Variants in PCBP3 observed in about 807,000 individuals in gnomAD.
PCBP3 encodes poly(rC)-binding protein 3.
Under a neutral mutation model 52.7 loss-of-function variants are expected in PCBP3, and 25 were observed. The observed-to-expected ratio is 0.47, with a 90% CI of 0.35 to 0.66. The LOEUF is 0.66. PCBP3 is among the 30% of genes least tolerant of loss of function. The probability of loss-of-function intolerance (pLI) is 0.01; values close to 1 mark genes in which losing one functional copy is unlikely to be tolerated. For missense variants in PCBP3, 391 were observed against 490.3 expected (o/e 0.80, Z 1.91); for synonymous variants, 162 against 183.0 (o/e 0.89, Z 0.93).
rs2091322068 is a variant in PCBP3 at position 45,788,638 on chromosome 21, C to T, written c.-126+33186C>T. On this transcript the variant is annotated intron_variant, in intron 4 of 17. Transcript: ENST00000681687. This position sits in a 1 kb window ranked among gnomAD's most constrained non-coding sequence, Gnocchi z 4.3. ...CTTAACCCTGAACTGCACCCGACTC[C>T]CATTGACCTCACTCACTGTGGGCCG... 1 of 152,244 alleles carries T rather than the reference C, an allele frequency of 6.6e-6. No homozygotes were observed. Among genetic ancestry groups the T allele is most frequent in the African/African-American group, 2.4e-5 (1 of 41,434 alleles). The allele number at this position is 152,244 out of a possible 1,614,324, so 9.4% of individuals were successfully genotyped here.
At chr21:45,705,535 T>C (rs1327184768) in intron 2 of PCBP3, among the ~76,000 whole-genome samples, 1 of 152,230 alleles carries the variant, frequency 6.6e-6, no homozygotes, top group Non-Finnish European at 1.5e-5. Flanking sequence ...CGTGCACTTC[T>C]ACCTGGCTTG....
At chr21:45,769,402 C>T (rs1274451969) in intron 4 of PCBP3, among the ~76,000 whole-genome samples, 1 of 152,230 alleles carries the variant, frequency 6.6e-6, no homozygotes, top group South Asian at 2.1e-4. Context: ...CGGGTGCTCA[C>T]GCAGGGCTGT....
chr21:45,652,588 C>T (rs527304717), intron 1 of PCBP3, among the ~76,000 whole-genome samples: 13 of 152,094 alleles, frequency 8.5e-5, no homozygotes, highest in African/African-American at 2.2e-4. Context: ...ATTACAGGCA[C>T]GTTCCACCAC....
intron 5 of PCBP3, among the ~76,000 whole-genome samples, chr21:45,867,189 A>G (rs1194702332): frequency 6.6e-6 from 1 of 152,184 alleles, no homozygotes; most frequent in African/African-American, 2.4e-5. Flanking sequence ...CAGGCGTGGA[A>G]GGGAAGGCGG....
intron 4 of PCBP3, among the ~76,000 whole-genome samples, chr21:45,824,150 T>G (rs1276309301): frequency 6.6e-6 from 1 of 152,248 alleles, no homozygotes; most frequent in Non-Finnish European, 1.5e-5. Context: ...TGTCATTGTC[T>G]TGGGCAGGGG....
intron 5 of PCBP3, among the ~76,000 whole-genome samples, chr21:45,868,059 G>T (rs530836307): frequency 6.6e-6 from 1 of 152,416 alleles, no homozygotes; most frequent in African/African-American, 2.4e-5. Context: ...CAGTGGGCCC[G>T]TCCGGAATTA....
In PCBP3 at chr21:45,775,123, G is replaced by A. The variant is rs143680039; in HGVS notation, c.-126+19671G>A. Among the ~76,000 whole-genome samples, 308 of 152,252 alleles carry A rather than the reference G, an allele frequency of 2.0e-3. 1 individual carries two copies. Among genetic ancestry groups the A allele is most frequent in the African/African-American group, 7.2e-3 (298 of 41,540 alleles). ...TTTGTACTTTTGGTAGAATTCTGCT[G>A]TGAATTCACCTGGACCTGGACTTTT... On this transcript the variant is annotated intron_variant, in intron 4 of 17. Transcript: ENST00000681687.
Position 45,667,075 on chromosome 21 carries a change from G to GTTCTTTCTTTCTTTCT in PCBP3, c.-278-1780_-278-1765dup, listed in dbSNP as rs138226209. ...TGAGAGTTTCATTATGCATCTGTTT[G>GTTCTTTCTTTCTTTCT]TTCTTTCTTTCTTTCTTTCTTTCTT... On this transcript the variant is annotated intron_variant, in intron 1 of 17. Coordinates refer to ENST00000681687, the MANE Select transcript of PCBP3 (RefSeq NM_001384156.1). 2.2e-3 allele frequency among the ~76,000 whole-genome samples: 326 copies of GTTCTTTCTTTCTTTCT among 147,666 alleles called. 3 individuals are homozygous for GTTCTTTCTTTCTTTCT. The highest frequency in any genetic ancestry group is 8.0e-3 in the African/African-American group (315 of 39,596).
intron 5 of PCBP3, among the ~76,000 whole-genome samples, chr21:45,875,084 C>T (rs1169435645): frequency 1.3e-5 from 2 of 152,254 alleles, no homozygotes; most frequent in African/African-American, 4.8e-5. Context: ...GCCCCTGACG[C>T]GGCACCTTCC....
chr21:45,735,057 C>T lies in PCBP3; in HGVS notation c.-199-335C>T, dbSNP rs1220651669. 6.6e-6 allele frequency among the ~76,000 whole-genome samples: 1 copy of T among 152,304 alleles called. No homozygotes were observed. The highest frequency in any genetic ancestry group is 1.9e-4 in the East Asian group (1 of 5,184). On this transcript the variant is annotated intron_variant, in intron 2 of 17. Coordinates refer to ENST00000681687, the MANE Select transcript of PCBP3 (RefSeq NM_001384156.1). The surrounding 1 kb of genome is among the most constrained non-coding windows in gnomAD (Gnocchi z 4.0). ...ACTCTCCCTGTGTTCTTACCTTCCCCTATAGATTCAGAGGGATTTGAGAAT... is the reference window on the plus strand; with the variant it reads ...ACTCTCCCTGTGTTCTTACCTTCCCTTATAGATTCAGAGGGATTTGAGAAT...
chr21:45,651,867 C>T (rs1027073681), intron 1 of PCBP3, among the ~76,000 whole-genome samples: 3 of 152,184 alleles, frequency 2.0e-5, no homozygotes, highest in Admixed American at 1.3e-4. Flanking sequence ...CTGTAACTCA[C>T]CAGGTTGGGA....
chr21:45,815,419 AGTGAGTGGTGAGTGGTGAGTCAGTG>A, intron 4 of PCBP3, among the ~76,000 whole-genome samples: 7 of 81,286 alleles, frequency 8.6e-5, no homozygotes, highest in Non-Finnish European at 1.7e-4. Context: ...GTGAGTGATG[AGTGAGTGGTGAGTGGTGAGTCAGTG>A]GTGAGTGGTG....
At chr21:45,698,901 T>C (rs2082945143) in intron 2 of PCBP3, among the ~76,000 whole-genome samples, 2 of 152,344 alleles carry the variant, frequency 1.3e-5, no homozygotes, top group South Asian at 4.1e-4. Flanking sequence ...CCAGTCTTGC[T>C]TCACGGCAGG....
chr21:45,770,904 GA>G (rs2089812708), intron 4 of PCBP3, among the ~76,000 whole-genome samples: 1 of 152,244 alleles, frequency 6.6e-6, no homozygotes, highest in Admixed American at 6.5e-5. Flanking sequence ...GGGGCCTCTA[GA>G]ACCCGCTGCC....
chr21:45,675,187 A>G (rs915564950), intron 2 of PCBP3, among the ~76,000 whole-genome samples: 2 of 152,110 alleles, frequency 1.3e-5, no homozygotes, highest in African/African-American at 2.4e-5. Flanking sequence ...GTCATTTCCA[A>G]AAGTGAGTAT....
At chr21:45,872,641 G>A (rs980205272) in intron 5 of PCBP3, 44 of 152,244 alleles carry the variant, frequency 2.9e-4, no homozygotes, top group African/African-American at 1.0e-3. Flanking sequence ...CGGAGCCCGC[G>A]TTGGGGCTGC....
Position 45,917,488 on chromosome 21 carries a change from G to A in PCBP3, c.676-100G>A. 1.1e-6 allele frequency: 1 copy of A among 885,880 alleles called. No individual in the cohort carries two copies. The highest frequency in any genetic ancestry group is 1.4e-5 in the South Asian group (1 of 71,756). 54.9% of individuals were successfully genotyped at this position (885,880 alleles called of 1,614,324 possible). A position where few individuals can be genotyped will look rare whatever the true frequency, so the allele number is the denominator to read the frequency against. ...AGGTGGAGAGGCACACGAGGGGGAA[G>A]CTTCTACCGGAGGGTCCTTGTCATG... On this transcript the variant is annotated intron_variant, in intron 12 of 17. Coordinates refer to ENST00000681687, the MANE Select transcript of PCBP3 (RefSeq NM_001384156.1). The surrounding 1 kb of genome is among the most constrained non-coding windows in gnomAD (Gnocchi z 5.3).
At chr21:45,710,171 A>G (rs1241973055) in intron 2 of PCBP3, among the ~76,000 whole-genome samples, 2 of 152,114 alleles carry the variant, frequency 1.3e-5, no homozygotes, top group Non-Finnish European at 2.9e-5. Flanking sequence ...TTAGTGTTAT[A>G]CTTTAAGTTT....
rs2085991361 is a variant in PCBP3 at position 45,737,707 on chromosome 21, C to T, written c.-162+2278C>T. Among the ~76,000 whole-genome samples the T allele has an allele frequency of 6.6e-6, 1 of 152,204 alleles. No homozygotes were observed. Among genetic ancestry groups the T allele is most frequent in the African/African-American group, 2.4e-5 (1 of 41,452 alleles). ...AATTCCCTGAGGCCTTCGTTCAGTACAGACAGGGAACTTTTATAGGTACCT... is the reference window on the plus strand; with the variant it reads ...AATTCCCTGAGGCCTTCGTTCAGTATAGACAGGGAACTTTTATAGGTACCT... On this transcript the variant is annotated intron_variant, in intron 3 of 17. Coordinates refer to ENST00000681687, the MANE Select transcript of PCBP3 (RefSeq NM_001384156.1). The surrounding 1 kb of genome is among the most constrained non-coding windows in gnomAD (Gnocchi z 4.9).
Sources: gnomAD v4.1 joint callset for allele counts (sites outside exome capture counted in the v4.1 genomes callset) on GRCh38, gnomAD v4.1.1 for gene constraint, Gnocchi (gnomAD v3.1) non-coding constraint, MANE v1.5 for transcripts, NCBI Gene and HGNC (gene_info 2026-07-23, HGNC 2026-07-21) for gene names.